SATL1: variants seen among roughly 807,000 people sequenced by gnomAD.
SATL1 encodes spermidine/spermine N(1)-acetyltransferase-like protein 1.
Under a neutral mutation model 51.8 loss-of-function variants are expected in SATL1, and 47 were observed. That is an observed-to-expected ratio of 0.91 (90% CI 0.72 to 1.16). The LOEUF is 1.16. Among genes scored for constraint, SATL1 ranks in the 50% most tolerant of loss-of-function variants. The probability of loss-of-function intolerance (pLI) is 0.00; values close to 1 mark genes in which losing one functional copy is unlikely to be tolerated. For missense variants in SATL1, 520 were observed against 526.4 expected (o/e 0.99, Z 0.12); for synonymous variants, 176 against 182.4 (o/e 0.97, Z 0.28).
At chrX:85,116,920 G>A (rs1925393738) in intron 2 of SATL1, among the ~76,000 whole-genome samples, 2 of 111,689 alleles carry the variant, frequency 1.8e-5, no homozygotes, top group Admixed American at 9.5e-5. Context: ...GCTCAAGCAT[G>A]TGCACTAAGA....
At chrX:85,158,976 A>G (rs941199810) in intron 2 of SATL1, among the ~76,000 whole-genome samples, 1 of 111,900 alleles carries the variant, frequency 8.9e-6, no homozygotes, top group African/African-American at 3.2e-5. Context: ...AATTATTTAA[A>G]GTATTCTTTA....
chrX:85,196,540 G>GTATA (rs1927565612), intron 2 of SATL1, among the ~76,000 whole-genome samples: 1 of 111,544 alleles, frequency 9.0e-6, no homozygotes, highest in South Asian at 3.8e-4. Flanking sequence ...AATGGAGGAT[G>GTATA]TATACATCAC....
intron 2 of SATL1, among the ~76,000 whole-genome samples, chrX:85,213,568 C>T (rs1223967473): frequency 9.0e-6 from 1 of 111,283 alleles, no homozygotes; most frequent in Non-Finnish European, 1.9e-5. Flanking sequence ...GAGAGGGGGA[C>T]ATTTTTGGTT....
chrX:85,172,757 T>C (rs1926999287), intron 2 of SATL1, among the ~76,000 whole-genome samples: 1 of 111,171 alleles, frequency 9.0e-6, no homozygotes, highest in East Asian at 2.8e-4. Context: ...TATGACATCA[T>C]AGATAACATG....
intron 5 of SATL1, 26 bp from the exon 6 acceptor site, chrX:85,094,255 G>A: frequency 2.2e-6 from 2 of 915,460 alleles, no homozygotes; most frequent in Non-Finnish European, 3.2e-6. Flanking sequence ...AAAGGGTGTA[G>A]AAAGGTTGGT....
At chrX:85,147,582 C>A (rs774291744) in intron 2 of SATL1, among the ~76,000 whole-genome samples, 1 of 112,146 alleles carries the variant, frequency 8.9e-6, no homozygotes, top group South Asian at 3.7e-4. Flanking sequence ...CCAGTAGGGG[C>A]AGACTGACAC....
At chrX:85,207,017 TAAG>T (rs1297435060) in intron 2 of SATL1, among the ~76,000 whole-genome samples, 1 of 111,547 alleles carries the variant, frequency 9.0e-6, no homozygotes, top group Non-Finnish European at 1.9e-5. Context: ...ATTTGTGAAA[TAAG>T]AAGTGAGGTT....
At position 85,240,993 on chromosome X, in the gene SATL1, CTTAT is replaced by C. The variant is rs1359559378; in HGVS notation, c.-435+2591_-435+2594del. Among the ~76,000 whole-genome samples the C allele has an allele frequency of 4.6e-5, 5 of 107,887 alleles. No homozygotes were observed. In the East Asian group the frequency reaches 1.4e-3, roughly 31 times the overall value. The allele number at this position is 107,887 out of a possible 115,157, so 93.7% of individuals were successfully genotyped here. A position where few individuals can be genotyped will look rare whatever the true frequency, so the allele number is the denominator to read the frequency against. On this transcript the variant is annotated intron_variant, in intron 1 of 7. Transcript: ENST00000644105. ...CTGACACAATATGTCACAATCTCATCTTATTTGTTTTTTTTTATCTCAAACTTGG... is the reference window on the plus strand; with the variant it reads ...CTGACACAATATGTCACAATCTCATCTTGTTTTTTTTTATCTCAAACTTGG...
At chrX:85,145,859 G>C (rs991133644) in intron 2 of SATL1, among the ~76,000 whole-genome samples, 2 of 109,460 alleles carry the variant, frequency 1.8e-5, no homozygotes, top group Admixed American at 2.0e-4. Flanking sequence ...AAGATATTTT[G>C]TAAGAGACCA....
chrX:85,214,013 G>T (rs1395318926), intron 2 of SATL1, among the ~76,000 whole-genome samples: 1 of 111,646 alleles, frequency 9.0e-6, no homozygotes, highest in East Asian at 2.8e-4. Context: ...TTTGATCTGT[G>T]TATTAGTTCC....
At chrX:85,207,479 G>A (rs1306552482) in intron 2 of SATL1, 1 of 111,768 alleles carries the variant, frequency 8.9e-6, no homozygotes, top group Non-Finnish European at 1.9e-5. Context: ...TCTTCATTTA[G>A]TTACTTTTCC....
chrX:85,153,144 T>C (rs1208011648), intron 2 of SATL1, among the ~76,000 whole-genome samples: 1 of 110,872 alleles, frequency 9.0e-6, no homozygotes, highest in African/African-American at 3.3e-5. Context: ...TTTATTTCTA[T>C]AAAATATAGG....
chrX:85,145,407 G>A lies in SATL1; in HGVS notation c.-312-36127C>T, dbSNP rs1030402593. Among the ~76,000 whole-genome samples the A allele has an allele frequency of 2.7e-5, 3 of 111,761 alleles. No individual in the cohort carries two copies. The East Asian group carries it at 8.4e-4, about 31-fold the overall frequency. ...TGGAATAGTACTTGGCACATACTAG[G>A]TGCCCAATAAATCTTGTTGAATGAG... is the stretch of plus-strand genomic sequence containing the variant. On this transcript the variant is annotated intron_variant, in intron 2 of 7. Coordinates refer to ENST00000644105, the MANE Select transcript of SATL1 (RefSeq NM_001367857.2).
chrX:85,167,212 C>T (rs184899077), intron 2 of SATL1, among the ~76,000 whole-genome samples: 7 of 98,933 alleles, frequency 7.1e-5, no homozygotes, highest in East Asian at 6.4e-4. Context: ...CAAAAGCATA[C>T]GGATGATTGA....
intron 2 of SATL1, among the ~76,000 whole-genome samples, chrX:85,146,039 G>A (rs1281795806): frequency 1.8e-5 from 2 of 109,826 alleles, no homozygotes; most frequent in East Asian, 2.9e-4. Flanking sequence ...TGGGACTACA[G>A]GCGCCCGCCA....
At chrX:85,188,624 C>A (rs1927366498) in intron 2 of SATL1, among the ~76,000 whole-genome samples, 1 of 110,124 alleles carries the variant, frequency 9.1e-6, no homozygotes, top group South Asian at 3.9e-4. Context: ...CCAGTCTGGG[C>A]AACAGAGCAA....
At chrX:85,216,146 A>G (rs953955631) in intron 2 of SATL1, among the ~76,000 whole-genome samples, 2 of 111,330 alleles carry the variant, frequency 1.8e-5, no homozygotes, top group Non-Finnish European at 3.8e-5. Context: ...AGGAAGCAAG[A>G]GCAGGGAGGT....
chrX:85,140,418 C>G (rs1022639177), intron 2 of SATL1, among the ~76,000 whole-genome samples: 1 of 111,726 alleles, frequency 9.0e-6, no homozygotes, highest in Non-Finnish European at 1.9e-5. Context: ...AACTGAAGCA[C>G]AGAGAGATTA....
chrX:85,224,627 T>C (rs1689167244), intron 1 of SATL1, among the ~76,000 whole-genome samples: 1 of 110,256 alleles, frequency 9.1e-6, no homozygotes, highest in South Asian at 3.9e-4. Context: ...CCACTAGTTC[T>C]GGTCAATGAG....
Sources: allele counts gnomAD v4.1 joint callset (sites outside exome capture counted in the v4.1 genomes callset), GRCh38; gene constraint gnomAD v4.1.1; transcripts MANE v1.5; gene names NCBI Gene and HGNC (gene_info 2026-07-23, HGNC 2026-07-21).